STYK1: variants seen among roughly 807,000 people sequenced by gnomAD.
STYK1 encodes the protein tyrosine-protein kinase STYK1.
In STYK1, 46 loss-of-function variants were observed where a neutral mutation model predicts 48.1. The observed-to-expected ratio is 0.96, with a 90% CI of 0.75 to 1.22. The LOEUF (loss-of-function observed/expected upper bound fraction) is 1.22, where lower values mean the gene tolerates loss of function less well. Ranked by LOEUF, STYK1 falls within the 50% of genes most tolerant of loss-of-function variation. The pLI is 0.00. For synonymous variants in STYK1, 188 were observed against 189.0 expected, an observed-to-expected ratio of 0.99 and a Z score of 0.04; for missense variants, 527 against 521.1, an observed-to-expected ratio of 1.01 and a Z score of -0.11.
At chr12:10,632,212 C>CA (rs1381281068) in intron 4 of STYK1, among the ~76,000 whole-genome samples, 2 of 139,716 alleles carry the variant, frequency 1.4e-5, no homozygotes, top group East Asian at 2.2e-4. Context: ...AAAAAAAAAA[C>CA]AAAAAAAGGT....
intron 1 of STYK1, among the ~76,000 whole-genome samples, chr12:10,659,504 C>T (rs1294885699): frequency 6.6e-6 from 1 of 152,126 alleles, no homozygotes; most frequent in Non-Finnish European, 1.5e-5. Flanking sequence ...CTTAGGAAAA[C>T]TGGCCTCATA....
At chr12:10,652,961 G>A (rs1947677709) in intron 1 of STYK1, among the ~76,000 whole-genome samples, 1 of 152,200 alleles carries the variant, frequency 6.6e-6, no homozygotes, top group African/African-American at 2.4e-5. Flanking sequence ...AATGCTTGGT[G>A]AAAAGGAAGA....
intron 4 of STYK1, among the ~76,000 whole-genome samples, chr12:10,633,150 G>C (rs150898260): frequency 7.2e-5 from 11 of 152,268 alleles, no homozygotes; most frequent in African/African-American, 2.6e-4. Context: ...GTTTAAAATT[G>C]TTTCAAATGC....
intron 1 of STYK1, among the ~76,000 whole-genome samples, chr12:10,657,851 T>G (rs1947735341): frequency 6.6e-6 from 1 of 152,224 alleles, no homozygotes; most frequent in African/African-American, 2.4e-5. Context: ...AACATATAAT[T>G]GAGACTACTG....
intron 1 of STYK1, among the ~76,000 whole-genome samples, chr12:10,646,983 A>T (rs1375268281): frequency 1.3e-5 from 2 of 152,246 alleles, no homozygotes; most frequent in Non-Finnish European, 2.9e-5. Context: ...CAGAGGCTGT[A>T]TGGAAATGCC....
chr12:10,644,380 A>G (rs1947577538), intron 1 of STYK1, among the ~76,000 whole-genome samples: 1 of 152,250 alleles, frequency 6.6e-6, no homozygotes, highest in Admixed American at 6.5e-5. Flanking sequence ...AGTTCATTAT[A>G]CTGTGCCATT....
Position 10,619,476 on chromosome 12 carries a change from T to G in STYK1, c.*668A>C, listed in dbSNP as rs1865870801. ...AACAATACATGTTGAATGTTCTTAA[T>G]CATGAAATGACTCCTCCACCTTCTA... On this transcript the variant is annotated 3_prime_UTR_variant, in exon 11 of 11. Transcript: ENST00000075503. 1 of 152,322 alleles carries G rather than the reference T, an allele frequency of 6.6e-6. No homozygotes were observed. The highest frequency in any genetic ancestry group is 1.5e-5 in the Non-Finnish European group (1 of 68,116). The allele number at this position is 152,322 out of a possible 1,614,324, so 9.4% of individuals were successfully genotyped here.
intron 1 of STYK1, among the ~76,000 whole-genome samples, chr12:10,651,917 G>C (rs1947666907): frequency 6.6e-6 from 1 of 152,008 alleles, no homozygotes; most frequent in African/African-American, 2.4e-5. Context: ...AAAGGTCATA[G>C]GCATATTAAA....
chr12:10,634,903 G>C (rs1298411466), intron 2 of STYK1, among the ~76,000 whole-genome samples: 1 of 151,848 alleles, frequency 6.6e-6, no homozygotes, highest in African/African-American at 2.4e-5. Flanking sequence ...CTATTATACA[G>C]CAAAGAGCTC....
At chr12:10,623,677 T>C (rs1426559903) in intron 8 of STYK1, among the ~76,000 whole-genome samples, 1 of 152,180 alleles carries the variant, frequency 6.6e-6, no homozygotes, top group African/African-American at 2.4e-5. Context: ...GAAAGTCTTG[T>C]CAAATTGTGT....
intron 4 of STYK1, among the ~76,000 whole-genome samples, chr12:10,633,201 T>C (rs1947448652): frequency 6.6e-6 from 1 of 152,230 alleles, no homozygotes; most frequent in African/African-American, 2.4e-5. Context: ...GAATTGATCA[T>C]TGGACTTTTC....
chr12:10,624,582 C>A (rs1223262786), intron 8 of STYK1, 69 bp downstream of exon 8: 3 of 1,424,446 alleles, frequency 2.1e-6, no homozygotes, highest in East Asian at 4.6e-5. Flanking sequence ...GGCAACAGAT[C>A]AAATCATATT....
At chr12:10,645,995 C>T (rs1046881738) in intron 1 of STYK1, among the ~76,000 whole-genome samples, 4 of 152,196 alleles carry the variant, frequency 2.6e-5, no homozygotes, top group Non-Finnish European at 5.9e-5. Context: ...GATTGGGAGG[C>T]CTCCCTAGTC....
intron 1 of STYK1, among the ~76,000 whole-genome samples, chr12:10,653,137 A>G (rs887008425): frequency 2.0e-5 from 3 of 151,424 alleles, no homozygotes; most frequent in African/African-American, 7.3e-5. Context: ...CAGTGGCGTG[A>G]TATCGGCTTA....
chr12:10,665,709 C>T (rs1333351410), intron 1 of STYK1, among the ~76,000 whole-genome samples: 1 of 152,218 alleles, frequency 6.6e-6, no homozygotes, highest in East Asian at 1.9e-4. Context: ...ATGAAGGCTA[C>T]AATATTTATA....
chr12:10,670,995 ATTTTTT>A (rs763044772), intron 1 of STYK1, among the ~76,000 whole-genome samples: 10 of 110,508 alleles, frequency 9.0e-5, no homozygotes, highest in African/African-American at 2.9e-4. Context: ...GAATATATTG[ATTTTTT>A]TTTTTTTTTT....
chr12:10,621,020 T>C (rs983439746), intron 10 of STYK1, among the ~76,000 whole-genome samples: 4 of 152,248 alleles, frequency 2.6e-5, no homozygotes, highest in South Asian at 4.1e-4. Flanking sequence ...TACTCATATA[T>C]AATTAAGATA....
intron 1 of STYK1, among the ~76,000 whole-genome samples, chr12:10,658,814 AT>A (rs920283968): frequency 6.6e-6 from 1 of 152,312 alleles, no homozygotes. Flanking sequence ...TATAATTCTA[AT>A]ATGACTTAGT....
At chr12:10,654,306 G>A (rs536869860) in intron 1 of STYK1, among the ~76,000 whole-genome samples, 3 of 152,304 alleles carry the variant, frequency 2.0e-5, no homozygotes, top group South Asian at 2.1e-4. Context: ...AGCCCACACT[G>A]CTGCTCTGCC....
Sources: gnomAD v4.1 joint callset for allele counts (sites outside exome capture counted in the v4.1 genomes callset) on GRCh38, gnomAD v4.1.1 for gene constraint, MANE v1.5 for transcripts, NCBI Gene and HGNC (gene_info 2026-07-23, HGNC 2026-07-21) for gene names.